Variants in CDYL2 observed in about 807,000 individuals in gnomAD.
CDYL2 encodes the protein chromodomain Y like 2, also known as chromodomain Y-like protein 2.
Under a neutral mutation model 49.4 loss-of-function variants are expected in CDYL2, and 23 were observed. That is an observed-to-expected ratio of 0.47 (90% CI 0.34 to 0.66). CDYL2 has a LOEUF of 0.66. CDYL2 is among the 30% of genes least tolerant of loss of function. CDYL2 has a pLI of 0.01. For synonymous variants in CDYL2, 360 were observed against 268.8 expected (o/e 1.34, Z -3.32); for missense variants, 678 against 656.4 (o/e 1.03, Z -0.36).
chr16:80,617,242 G>C (rs1253941650), intron 4 of CDYL2, among the ~76,000 whole-genome samples: 3 of 152,190 alleles, frequency 2.0e-5, no homozygotes, highest in Non-Finnish European at 4.4e-5. Context: ...GGATGAGGAG[G>C]GGGTGAGAGT....
intron 6 of CDYL2, among the ~76,000 whole-genome samples, chr16:80,607,352 C>T (rs1906383806): frequency 1.3e-5 from 2 of 152,096 alleles, no homozygotes; most frequent in Admixed American, 1.3e-4. Context: ...AACACAGGCA[C>T]AGGGAGACAA....
chr16:80,742,619 T>C (rs141271004), intron 1 of CDYL2, among the ~76,000 whole-genome samples: 182 of 149,566 alleles, frequency 1.2e-3, no homozygotes, highest in Non-Finnish European at 2.2e-3. Context: ...GGAGAATGAA[T>C]GGATGAATGG....
At chr16:80,638,168 A>G (rs1237816477) in intron 2 of CDYL2, among the ~76,000 whole-genome samples, 1 of 151,944 alleles carries the variant, frequency 6.6e-6, no homozygotes, top group Non-Finnish European at 1.5e-5. Context: ...TCAACCTCCT[A>G]GGCTCAAACT....
intron 1 of CDYL2, among the ~76,000 whole-genome samples, chr16:80,772,871 G>C (rs549302711): frequency 6.2e-4 from 94 of 152,272 alleles, no homozygotes; most frequent in Non-Finnish European, 1.2e-3. Flanking sequence ...TCAATAAAAA[G>C]TAAGGCATGA....
At chr16:80,788,428 C>G (rs1165527737) in intron 1 of CDYL2, among the ~76,000 whole-genome samples, 1 of 152,250 alleles carries the variant, frequency 6.6e-6, no homozygotes, top group African/African-American at 2.4e-5. Context: ...CAATCCCTCT[C>G]TTGAACAATA....
At chr16:80,745,002 CT>C (rs1905875817) in intron 1 of CDYL2, among the ~76,000 whole-genome samples, 1 of 152,176 alleles carries the variant, frequency 6.6e-6, no homozygotes, top group South Asian at 2.1e-4. Context: ...TGAAAAACCC[CT>C]GACCTACAGG....
chr16:80,785,886 G>T (rs979360306), intron 1 of CDYL2, among the ~76,000 whole-genome samples: 1 of 152,186 alleles, frequency 6.6e-6, no homozygotes, highest in Non-Finnish European at 1.5e-5. Flanking sequence ...TTAATAAATG[G>T]TGTTGGGAAA....
At chr16:80,789,287 A>ATATATATTATATATTATATATTATTAT (rs1907534017) in intron 1 of CDYL2, among the ~76,000 whole-genome samples, 1 of 152,176 alleles carries the variant, frequency 6.6e-6, no homozygotes, top group Non-Finnish European at 1.5e-5. Context: ...TACCCAAAGG[A>ATATATATTATATATTATATATTATTAT]AAAGAAATCA....
At chr16:80,723,548 C>G (rs546798266) in intron 1 of CDYL2, among the ~76,000 whole-genome samples, 1 of 152,314 alleles carries the variant, frequency 6.6e-6, no homozygotes, top group South Asian at 2.1e-4. Flanking sequence ...CATGCCCCAG[C>G]ACACTGATCT....
intron 1 of CDYL2, among the ~76,000 whole-genome samples, chr16:80,771,314 G>A (rs1906896969): frequency 6.6e-6 from 1 of 152,198 alleles, no homozygotes; most frequent in Non-Finnish European, 1.5e-5. Context: ...CCAGGGTCTA[G>A]GGGGACTCCA....
At chr16:80,759,124 A>ATATATATATATATATATGGTTTT (rs1567597509) in intron 1 of CDYL2, among the ~76,000 whole-genome samples, 1 of 133,220 alleles carries the variant, frequency 7.5e-6, no homozygotes, top group African/African-American at 2.9e-5. Flanking sequence ...ATATATATAT[A>ATATATATATATATATATGGTTTT]TATATATATA....
chr16:80,782,530 GAAAAAAAAA>G (rs1188248662), intron 1 of CDYL2, among the ~76,000 whole-genome samples: 1 of 35,788 alleles, frequency 2.8e-5, no homozygotes, highest in Non-Finnish European at 6.1e-5. Flanking sequence ...GACATAAGGA[GAAAAAAAAA>G]AAAAAAAAAA....
chr16:80,799,642 C>T (rs907736351), intron 1 of CDYL2, among the ~76,000 whole-genome samples: 9 of 152,168 alleles, frequency 5.9e-5, no homozygotes, highest in Admixed American at 2.0e-4. Flanking sequence ...GGCCAGGCTG[C>T]AAGGAGCCGT....
At chr16:80,643,937 T>C (rs536652178) in intron 2 of CDYL2, among the ~76,000 whole-genome samples, 13 of 152,364 alleles carry the variant, frequency 8.5e-5, no homozygotes, top group South Asian at 6.2e-4. Flanking sequence ...TCATTACTTA[T>C]GCAAATGTCT....
chr16:80,640,402 C>T (rs1271464919), intron 2 of CDYL2, among the ~76,000 whole-genome samples: 1 of 152,084 alleles, frequency 6.6e-6, no homozygotes, highest in East Asian at 1.9e-4. Context: ...ACTGAAGAGC[C>T]CTGAATAACC....
chr16:80,794,825 C>T (rs1907721375), intron 1 of CDYL2, among the ~76,000 whole-genome samples: 2 of 151,926 alleles, frequency 1.3e-5, no homozygotes, highest in African/African-American at 2.4e-5. Context: ...GTTGGTCAGG[C>T]TGGTCTCGAA....
At chr16:80,708,150 C>A (rs1057187007) in intron 1 of CDYL2, among the ~76,000 whole-genome samples, 1 of 152,138 alleles carries the variant, frequency 6.6e-6, no homozygotes, top group African/African-American at 2.4e-5. Context: ...CACATTTACT[C>A]AACAGGAAGT....
chr16:80,606,020 G>A (rs1016394234), intron 6 of CDYL2, among the ~76,000 whole-genome samples: 6 of 152,230 alleles, frequency 3.9e-5, no homozygotes, highest in Non-Finnish European at 7.3e-5. Flanking sequence ...GTTACAGCCA[G>A]AAGTGAGGCC....
chr16:80,800,034 C>T (rs887120382), intron 1 of CDYL2, among the ~76,000 whole-genome samples: 5 of 152,168 alleles, frequency 3.3e-5, no homozygotes, highest in African/African-American at 1.2e-4. Context: ...GCAGTTTTTC[C>T]TAGCTTGTTT....
Sources: allele counts gnomAD v4.1 joint callset (sites outside exome capture counted in the v4.1 genomes callset), GRCh38; gene constraint gnomAD v4.1.1; transcripts MANE v1.5; gene names NCBI Gene and HGNC (gene_info 2026-07-23, HGNC 2026-07-21).